Variants in DCAF1 observed in about 807,000 individuals in gnomAD.
The protein encoded by DCAF1 is DDB1- and CUL4-associated factor 1.
In DCAF1, 15 loss-of-function variants were observed where a neutral mutation model predicts 128.0. The observed-to-expected ratio is 0.12, with a 90% CI of 0.08 to 0.18. The LOEUF (loss-of-function observed/expected upper bound fraction) is 0.18, where lower values mean the gene tolerates loss of function less well. Ranked by LOEUF, DCAF1 falls within the 10% of genes least tolerant of loss-of-function variation. The pLI is 1.00. For synonymous variants in DCAF1, 610 were observed against 603.0 expected (o/e 1.01, Z -0.17); for missense variants, 988 against 1,649.5 (o/e 0.60, Z 6.95).
At chr3:51,495,805 A>C (rs1277753023) in intron 2 of DCAF1, among the ~76,000 whole-genome samples, 3 of 152,064 alleles carry the variant, frequency 2.0e-5, no homozygotes, top group Admixed American at 2.0e-4. Context: ...TTGTTTTGTG[A>C]GACGGAATCT....
At chr3:51,411,940 G>A (rs754264139) in intron 23 of DCAF1, among the ~76,000 whole-genome samples, 25 of 151,768 alleles carry the variant, frequency 1.6e-4, no homozygotes, top group Non-Finnish European at 2.2e-4. Flanking sequence ...GTGAAACCCC[G>A]TCTCTACTAA....
chr3:51,481,103 G>A (rs1299264331), intron 3 of DCAF1, among the ~76,000 whole-genome samples: 4 of 152,150 alleles, frequency 2.6e-5, no homozygotes, highest in African/African-American at 7.2e-5. Flanking sequence ...TATCATAGCT[G>A]TGAAAACAAC....
intron 3 of DCAF1, among the ~76,000 whole-genome samples, chr3:51,471,798 T>C (rs1577256918): frequency 6.6e-6 from 1 of 151,572 alleles, no homozygotes; most frequent in African/African-American, 2.4e-5. Context: ...ACCTGGGAGG[T>C]GGAGGTTGCG....
chr3:51,403,410 T>A lies in DCAF1; in HGVS notation c.4213-15A>T, dbSNP rs115933159. 1.3e-6 allele frequency: 2 copies of A among 1,551,746 alleles called. No individual in the cohort carries two copies. Among genetic ancestry groups the A allele is most frequent in the African/African-American group, 2.7e-5 (2 of 73,166 alleles). ...TCTTCCTCTTCCTGGTAAGAAAGCG[T>A]AATGTTCATTAGTACAAACACAGAG... is the stretch of plus-strand genomic sequence containing the variant. On this transcript the variant is annotated splice_polypyrimidine_tract_variant and intron_variant, in intron 23 of 24. Transcript: ENST00000684031.
Position 51,419,708 on chromosome 3 carries a change from G to A in DCAF1, c.3236+26C>T, listed in dbSNP as rs782221501. The A allele has an allele frequency of 2.6e-6, 4 of 1,565,412 alleles. No homozygotes were observed. In the East Asian group the frequency reaches 9.0e-5, roughly 35 times the overall value. The stretch of plus-strand genomic sequence containing the variant: ...AATAAAAGAATCATTCCAATTCCCA[G>A]GGAGTAAGAAGGGGCCTCTTCTTAC... On this transcript the variant is annotated intron_variant, in intron 15 of 24. Transcript: ENST00000684031.
intron 2 of DCAF1, among the ~76,000 whole-genome samples, chr3:51,488,838 G>A (rs1044048363): frequency 9.2e-5 from 14 of 151,876 alleles, no homozygotes; most frequent in African/African-American, 2.9e-4. Context: ...GGTGGTGTGC[G>A]CCTGTAATCC....
At chr3:51,402,666 C>G (rs2089807879) in intron 24 of DCAF1, among the ~76,000 whole-genome samples, 1 of 151,238 alleles carries the variant, frequency 6.6e-6, no homozygotes, top group African/African-American at 2.4e-5. Context: ...CCTCCGCCTC[C>G]CAGGTTCAAG....
intron 6 of DCAF1, among the ~76,000 whole-genome samples, chr3:51,461,526 T>A (rs1301213345): frequency 6.6e-6 from 1 of 151,982 alleles, no homozygotes; most frequent in South Asian, 2.1e-4. Context: ...GATCTAGAAC[T>A]AGAAATACCA....
At chr3:51,412,729 G>T (rs1011131915) in intron 22 of DCAF1, among the ~76,000 whole-genome samples, 27 of 152,194 alleles carry the variant, frequency 1.8e-4, no homozygotes, top group African/African-American at 6.5e-4. Flanking sequence ...GAGAGATCCA[G>T]ATTCCTCTGA....
At chr3:51,428,331 C>CCT (rs1218698359) in intron 12 of DCAF1, among the ~76,000 whole-genome samples, 6 of 110,502 alleles carry the variant, frequency 5.4e-5, no homozygotes, top group African/African-American at 2.1e-4. Context: ...CCACCATGCC[C>CCT]TTTTTTTTTT....
rs1553656182 is a variant in DCAF1 at position 51,487,952 on chromosome 3, C to A, written c.-8-4116G>T. 1.8e-4 allele frequency among the ~76,000 whole-genome samples: 28 copies of A among 152,064 alleles called. 1 individual carries two copies. The highest frequency in any genetic ancestry group is 1.5e-5 in the Non-Finnish European group (1 of 68,028). ...TGATCTTGACTCACTGCAACCTCCA[C>A]CTCCTGGGTTCAAGCGATTCTCCTG... On this transcript the variant is annotated intron_variant, in intron 2 of 24. Coordinates refer to ENST00000684031, the MANE Select transcript of DCAF1 (RefSeq NM_001387579.1).
rs541962322 is a variant in DCAF1, at chr3:51,410,425, T to C, written c.4212+1954A>G. On this transcript the variant is annotated intron_variant, in intron 23 of 24. Transcript: ENST00000684031. ...CAGGTATACTGTGTCATCTTTGATG[T>C]ACAGGTGATGCAGTATTCAAAGGAT... is the stretch of plus-strand genomic sequence containing the variant. Among the ~76,000 whole-genome samples, 45 of 152,358 alleles carry C rather than the reference T, an allele frequency of 3.0e-4. No individual in the cohort carries two copies. In the South Asian group the frequency reaches 9.1e-3, roughly 31 times the overall value.
chr3:51,448,914 T>C (rs1300163922), intron 6 of DCAF1, among the ~76,000 whole-genome samples: 2 of 151,982 alleles, frequency 1.3e-5, no homozygotes, highest in African/African-American at 4.8e-5. Flanking sequence ...CATGTTCTTT[T>C]ATGTTTTTTT....
At chr3:51,407,134 G>A (rs1488071489) in intron 23 of DCAF1, among the ~76,000 whole-genome samples, 1 of 143,426 alleles carries the variant, frequency 7.0e-6, no homozygotes, top group Non-Finnish European at 1.5e-5. Flanking sequence ...GGAAGCCTGG[G>A]CGAGACAGAG....
intron 1 of DCAF1, among the ~76,000 whole-genome samples, chr3:51,497,176 T>A (rs1708317354): frequency 6.6e-6 from 1 of 152,098 alleles, no homozygotes; most frequent in Non-Finnish European, 1.5e-5. Flanking sequence ...ACACCTGTAA[T>A]CCCAGCTACT....
intron 6 of DCAF1, among the ~76,000 whole-genome samples, chr3:51,457,757 T>C (rs1703082350): frequency 1.3e-5 from 2 of 152,176 alleles, no homozygotes. Flanking sequence ...GGAACCAATA[T>C]TCAACACTCT....
chr3:51,396,239 T>TAGAG (rs1460250389), downstream of DCAF1: 1 of 275,594 alleles, frequency 3.6e-6, no homozygotes, highest in African/African-American at 2.2e-5. Flanking sequence ...AAAACGTGCC[T>TAGAG]AGAGAAGACA....
chr3:51,499,575 G>A (rs1708619690), intron 1 of DCAF1, among the ~76,000 whole-genome samples: 1 of 151,832 alleles, frequency 6.6e-6, no homozygotes, highest in African/African-American at 2.4e-5. Context: ...TCCAGGTAGG[G>A]GCGGACACAC....
intron 1 of DCAF1, among the ~76,000 whole-genome samples, chr3:51,498,424 C>CTA (rs1228373691): frequency 6.7e-6 from 1 of 150,064 alleles, no homozygotes; most frequent in Non-Finnish European, 1.5e-5. Context: ...CCAGCCTAGG[C>CTA]TACAGGGCAA....
Sources: allele counts gnomAD v4.1 joint callset (sites outside exome capture counted in the v4.1 genomes callset), GRCh38; gene constraint gnomAD v4.1.1; transcripts MANE v1.5; gene names NCBI Gene and HGNC (gene_info 2026-07-23, HGNC 2026-07-21).